The following UBE2E2 variants were observed in gnomAD, a reference collection of about 807,000 sequenced individuals.
The protein encoded by UBE2E2 is ubiquitin conjugating enzyme E2 E2, also known as ubiquitin-conjugating enzyme E2 E2.
UBE2E2 carries 6 observed loss-of-function variants against 24.7 expected under a neutral mutation model. That is an observed-to-expected ratio of 0.24 (90% CI 0.13 to 0.48). The LOEUF (loss-of-function observed/expected upper bound fraction) is 0.48. Among genes scored for constraint, UBE2E2 ranks in the 20% least tolerant of loss-of-function variants. The pLI is 0.99. For synonymous variants in UBE2E2, 104 were observed against 83.6 expected (o/e 1.24, Z -1.33); for missense variants, 169 against 245.0 (o/e 0.69, Z 2.07).
chr3:23,482,247 G>A (rs765318321), intron 3 of UBE2E2, among the ~76,000 whole-genome samples: 3 of 152,104 alleles, frequency 2.0e-5, no homozygotes, highest in Admixed American at 1.3e-4. Context: ...TCTTAAGAGG[G>A]TGCCCTCTAG....
intron 3 of UBE2E2, among the ~76,000 whole-genome samples, chr3:23,270,756 A>G (rs1380422463): frequency 4.6e-5 from 7 of 152,156 alleles, no homozygotes; most frequent in Non-Finnish European, 1.5e-5. Flanking sequence ...GTCAGGTCTG[A>G]TTTGTGTGGA....
At chr3:23,287,933 G>T (rs1278934221) in intron 3 of UBE2E2, among the ~76,000 whole-genome samples, 1 of 151,400 alleles carries the variant, frequency 6.6e-6, no homozygotes, top group Non-Finnish European at 1.5e-5. Context: ...ATTTATTTCT[G>T]CTCTGATCTT....
At chr3:23,531,029 G>T (rs944204749) in intron 4 of UBE2E2, among the ~76,000 whole-genome samples, 1 of 152,190 alleles carries the variant, frequency 6.6e-6, no homozygotes, top group South Asian at 2.1e-4. Flanking sequence ...CATTTAAGAT[G>T]TGTATGTAGG....
chr3:23,213,983 A>C (rs935563067), intron 2 of UBE2E2, among the ~76,000 whole-genome samples: 3 of 152,148 alleles, frequency 2.0e-5, no homozygotes, highest in African/African-American at 7.2e-5. Flanking sequence ...TACCATAATC[A>C]CAACTTTTGA....
chr3:23,228,588 T>G (rs1440552359), intron 3 of UBE2E2, among the ~76,000 whole-genome samples: 1 of 152,164 alleles, frequency 6.6e-6, no homozygotes, highest in Non-Finnish European at 1.5e-5. Context: ...TGCAAACAAA[T>G]AAAATTTTTT....
chr3:23,521,602 T>G (rs115751559), intron 4 of UBE2E2, among the ~76,000 whole-genome samples: 1 of 152,192 alleles, frequency 6.6e-6, no homozygotes, highest in African/African-American at 2.4e-5. Context: ...AGTACCTGAC[T>G]GGGGGAGACT....
At chr3:23,294,672 TATA>T (rs201393175) in intron 3 of UBE2E2, among the ~76,000 whole-genome samples, 6,648 of 147,122 alleles carry the variant, frequency 0.045, 192 homozygotes, top group East Asian at 0.14. Flanking sequence ...TTTAAATAAA[TATA>T]ATATTTATTT....
At chr3:23,325,501 A>G (rs549105685) in intron 3 of UBE2E2, among the ~76,000 whole-genome samples, 2 of 152,354 alleles carry the variant, frequency 1.3e-5, no homozygotes, top group South Asian at 2.1e-4. Context: ...TAGTATACAG[A>G]AAACATTAGA....
intron 4 of UBE2E2, among the ~76,000 whole-genome samples, chr3:23,519,931 C>T (rs1426365996): frequency 1.3e-5 from 2 of 152,132 alleles, no homozygotes; most frequent in Non-Finnish European, 2.9e-5. Context: ...CCTGAGCCAC[C>T]ACACCCAGCC....
chr3:23,584,383 C>T (rs530083826), intron 5 of UBE2E2, among the ~76,000 whole-genome samples: 2 of 152,008 alleles, frequency 1.3e-5, no homozygotes, highest in Non-Finnish European at 2.9e-5. Flanking sequence ...CTGTCTCTGT[C>T]CTCCCTTTTC....
At chr3:23,217,423 T>A in intron 3 of UBE2E2, 111 bp downstream of exon 3, 1 of 995,020 alleles carries the variant, frequency 1.0e-6, no homozygotes, top group Non-Finnish European at 1.6e-6. Context: ...AAAAACATCA[T>A]TGTTGTTTGA....
chr3:23,222,378 A>G (rs982372977), intron 3 of UBE2E2, among the ~76,000 whole-genome samples: 4 of 152,114 alleles, frequency 2.6e-5, no homozygotes, highest in African/African-American at 4.8e-5. Flanking sequence ...TGCTTTGGCA[A>G]TGTCCCCACC....
intron 3 of UBE2E2, among the ~76,000 whole-genome samples, chr3:23,254,555 A>G (rs1697662253): frequency 6.6e-6 from 1 of 152,240 alleles, no homozygotes; most frequent in Non-Finnish European, 1.5e-5. Flanking sequence ...TTAACTAAAA[A>G]TCCAGTACAT....
chr3:23,412,442 T>G (rs1697515468), intron 3 of UBE2E2, among the ~76,000 whole-genome samples: 1 of 137,074 alleles, frequency 7.3e-6, no homozygotes, highest in Admixed American at 7.0e-5. Flanking sequence ...CAGTTGATGT[T>G]TCCTGCTAAG....
At chr3:23,408,821 C>T (rs1357944125) in intron 3 of UBE2E2, among the ~76,000 whole-genome samples, 1 of 152,076 alleles carries the variant, frequency 6.6e-6, no homozygotes, top group East Asian at 1.9e-4. Flanking sequence ...ATTGGTTTAT[C>T]ATTTGTCAGT....
intron 1 of UBE2E2, among the ~76,000 whole-genome samples, chr3:23,203,800 A>G (rs1696044012): frequency 6.6e-6 from 1 of 150,656 alleles, no homozygotes. Context: ...GCATCCTGGA[A>G]CTAAGTCTTT....
intron 3 of UBE2E2, among the ~76,000 whole-genome samples, chr3:23,316,752 C>T (rs753966095): frequency 2.0e-5 from 3 of 152,052 alleles, no homozygotes; most frequent in African/African-American, 4.8e-5. Context: ...TCAAGGCCCA[C>T]GGCATGTACT....
At chr3:23,301,608 A>G (rs962137487) in intron 3 of UBE2E2, among the ~76,000 whole-genome samples, 1 of 152,114 alleles carries the variant, frequency 6.6e-6, no homozygotes, top group African/African-American at 2.4e-5. Flanking sequence ...ATATTGATGA[A>G]CCACAGATGC....
At chr3:23,402,431 C>T (rs182346319) in intron 3 of UBE2E2, among the ~76,000 whole-genome samples, 1 of 152,186 alleles carries the variant, frequency 6.6e-6, no homozygotes, top group African/African-American at 2.4e-5. Context: ...TTTTTAGTTC[C>T]ATTAAAAACT....
Sources: allele counts gnomAD v4.1 joint callset (sites outside exome capture counted in the v4.1 genomes callset), GRCh38; gene constraint gnomAD v4.1.1; transcripts MANE v1.5; gene names NCBI Gene and HGNC (gene_info 2026-07-23, HGNC 2026-07-21).